Variants in NIBAN3 observed in about 807,000 individuals in gnomAD.
NIBAN3 encodes the protein protein Niban 3.
In NIBAN3, 66 loss-of-function variants were observed where a neutral mutation model predicts 76.4. That is an observed-to-expected ratio of 0.86 (90% CI 0.71 to 1.06). The LOEUF (loss-of-function observed/expected upper bound fraction) is 1.06. Among genes scored for constraint, NIBAN3 ranks in the 50% least tolerant of loss-of-function variants. The pLI, the probability that NIBAN3 is intolerant of heterozygous loss-of-function variation, is 0.00. For missense variants in NIBAN3, 808 were observed against 810.7 expected, an observed-to-expected ratio of 1.00 and a Z score of 0.04; for synonymous variants, 360 against 355.2, an observed-to-expected ratio of 1.01 and a Z score of -0.15.
intron 4 of NIBAN3, among the ~76,000 whole-genome samples, chr19:17,536,155 A>C (rs1014920579): frequency 1.3e-5 from 2 of 152,064 alleles, no homozygotes; most frequent in Non-Finnish European, 1.5e-5. Context: ...AGGAGCTTCC[A>C]CCTTCTGGAC....
At position 17,532,392 on chromosome 19, in the gene NIBAN3, C is replaced by T. The variant is rs564398171; in HGVS notation, c.312+4C>T. The T allele has an allele frequency of 2.0e-5, 32 of 1,614,190 alleles. No homozygotes were observed. The African/African-American group carries it at 2.5e-4, about 13-fold the overall frequency. The stretch of plus-strand genomic sequence containing the variant: ...AGAGTGGTTCAGCCACAAGGAGGTG[C>T]GTGATTGGCACGTGGCCTTTCTACT... On this transcript the variant is annotated splice_donor_region_variant and intron_variant, in intron 3 of 14. Coordinates refer to ENST00000599164, the MANE Select transcript of NIBAN3 (RefSeq NM_001321827.2).
At position 17,553,414 on chromosome 19, in the gene NIBAN3, G is replaced by C. The variant is rs1264721436; in HGVS notation, c.*1516G>C. Reference sequence around the variant, plus strand: ...GTCATCTGCTAACTGGATATTGGCAGCTTCTCTGCTGTCTTGCAGCTGCTT... The same window carrying C: ...GTCATCTGCTAACTGGATATTGGCACCTTCTCTGCTGTCTTGCAGCTGCTT... On this transcript the variant is annotated 3_prime_UTR_variant, in exon 15 of 15. Transcript: ENST00000599164. 11 of 1,614,168 alleles carry C rather than the reference G, an allele frequency of 6.8e-6. No homozygotes were observed. The highest frequency in any genetic ancestry group is 9.3e-6 in the Non-Finnish European group (11 of 1,180,056).
intron 13 of NIBAN3, among the ~76,000 whole-genome samples, chr19:17,548,716 A>G (rs898113961): frequency 1.3e-5 from 2 of 152,216 alleles, no homozygotes; most frequent in African/African-American, 4.8e-5. Flanking sequence ...ACTGGAGGTC[A>G]GGAGTTTGAG....
chr19:17,523,524 C>CGT, upstream of NIBAN3: 2 of 1,414,128 alleles, frequency 1.4e-6, no homozygotes, highest in South Asian at 2.5e-5. Flanking sequence ...GGCAGGAGGC[C>CGT]GTGGCCCCCA....
At chr19:17,539,887 C>G (rs1599735879) in intron 8 of NIBAN3, 122 bp downstream of exon 8, 7 of 204,156 alleles carry the variant, frequency 3.4e-5, no homozygotes, top group South Asian at 7.1e-5. Context: ...CAGAGAGGGG[C>G]GGGGCCAAGC....
At chr19:17,537,624 C>G in intron 5 of NIBAN3, 81 bp downstream of exon 5, 2 of 1,329,010 alleles carry the variant, frequency 1.5e-6, no homozygotes, top group Non-Finnish European at 2.0e-6. Context: ...CTCGGGACCT[C>G]TCCAGGCCTC....
chr19:17,535,820 C>T (rs1368997982), intron 4 of NIBAN3, among the ~76,000 whole-genome samples: 3 of 151,630 alleles, frequency 2.0e-5, no homozygotes, highest in Non-Finnish European at 4.4e-5. Context: ...GGGAGGATCA[C>T]TCGAGCCTAG....
Position 17,543,409 on chromosome 19 carries a change from G to A in NIBAN3, c.1422G>A (p.Glu474=). 1 of 1,612,594 alleles carries A rather than the reference G, an allele frequency of 6.2e-7. No homozygotes were observed. The highest frequency in any genetic ancestry group is 8.5e-7 in the Non-Finnish European group (1 of 1,178,740). ...LNCDQAAQRL[E]RVRGRVLKKF... ...GTGACCAGGCTGCCCAGAGGCTGGA[G>A]AGAGTCAGGGGGCGCGTGCTGAAGG... Residue 474 remains glutamate (E), a synonymous_variant, in exon 11 of 15, where the codon GAG becomes GAA. Transcript: ENST00000599164.
At chr19:17,526,648 T>TA (rs569937695), upstream of NIBAN3, among the ~76,000 whole-genome samples, 8,055 of 138,836 alleles carry the variant, frequency 0.058, 207 homozygotes, top group South Asian at 0.089. Flanking sequence ...ACCCTGTCTC[T>TA]AAAAAAAAAA....
At chr19:17,536,782 C>T (rs925535188) in intron 4 of NIBAN3, among the ~76,000 whole-genome samples, 1 of 151,952 alleles carries the variant, frequency 6.6e-6, no homozygotes, top group Non-Finnish European at 1.5e-5. Flanking sequence ...CACTGTTAAC[C>T]CCATTTGGGC....
chr19:17,545,915 C>T (rs1599752578), intron 12 of NIBAN3: 7 of 430,198 alleles, frequency 1.6e-5, no homozygotes, highest in South Asian at 3.3e-5. Context: ...TAAACTCCCC[C>T]GGAGAAAAGG....
intron 4 of NIBAN3, 148 bp from the exon 5 acceptor site, chr19:17,537,228 C>A: frequency 1.2e-6 from 1 of 832,108 alleles, no homozygotes; most frequent in Non-Finnish European, 1.9e-6. Flanking sequence ...CCACCCAGTG[C>A]TGTTGGAATA....
At chr19:17,526,566 T>C (rs1355289230), upstream of NIBAN3, among the ~76,000 whole-genome samples, 1 of 151,758 alleles carries the variant, frequency 6.6e-6, no homozygotes, top group Admixed American at 6.6e-5. Context: ...GAGGGTCACT[T>C]GAGCACAGGA....
At chr19:17,538,188 G>A (rs34053374) in intron 5 of NIBAN3, among the ~76,000 whole-genome samples, 71,743 of 151,704 alleles carry the variant, frequency 0.47, 18,302 homozygotes, top group Middle Eastern at 0.61. Context: ...AGGCCGAGGC[G>A]GGAGGATCAC....
chr19:17,550,878 T>C (rs918612211), intron 14 of NIBAN3, among the ~76,000 whole-genome samples: 1 of 129,924 alleles, frequency 7.7e-6, no homozygotes, highest in African/African-American at 2.8e-5. Context: ...AAATGCAGGT[T>C]CCTGTGGGCA....
chr19:17,539,855 T>G, intron 8 of NIBAN3, 90 bp downstream of exon 8: 1 of 1,044,076 alleles, frequency 9.6e-7, no homozygotes, highest in Non-Finnish European at 1.3e-6. Flanking sequence ...GGGCTTGAAG[T>G]TATGTAAAAT....
intron 1 of NIBAN3, among the ~76,000 whole-genome samples, chr19:17,530,513 C>T (rs562007454): frequency 4.1e-4 from 49 of 119,538 alleles, no homozygotes; most frequent in African/African-American, 1.5e-3. Context: ...AGCCTGGCAA[C>T]GGAGCAAGAC....
Position 17,533,603 on chromosome 19 carries a change from G to T in NIBAN3, c.329G>T (p.Gly110Val), listed in dbSNP as rs2144692695. 2.5e-6 allele frequency: 4 copies of T among 1,613,824 alleles called. No individual in the cohort carries two copies. The highest frequency in any genetic ancestry group is 3.4e-6 in the Non-Finnish European group (4 of 1,179,812). The change falls in exon 4 of 15, where the codon GGC (glycine) becomes GTC (valine). Residue 110 changes from glycine (G) to valine (V), a missense_variant. Gly to Val is a moderately radical substitution (Grantham distance 109, BLOSUM62 -3). Coordinates refer to ENST00000599164, the MANE Select transcript of NIBAN3 (RefSeq NM_001321827.2). ...CTTTTGTAGGAATATGAAAACGGGG[G>T]CCACTGCCTTGGCTCAACAGCCCTG... is the stretch of plus-strand genomic sequence containing the variant. ...FSHKEEYENG[G>V]HCLGSTALTG...
At chr19:17,525,347 A>C (rs539905689), upstream of NIBAN3, among the ~76,000 whole-genome samples, 131 of 151,742 alleles carry the variant, frequency 8.6e-4, no homozygotes, top group African/African-American at 3.1e-3. Flanking sequence ...TCATTCATTC[A>C]TTCATTCATT....
Sources: allele counts gnomAD v4.1 joint callset (sites outside exome capture counted in the v4.1 genomes callset), GRCh38; gene constraint gnomAD v4.1.1; transcripts MANE v1.5; gene names NCBI Gene and HGNC (gene_info 2026-07-23, HGNC 2026-07-21).